The following ENGASE variants were observed in gnomAD, a reference collection of about 807,000 sequenced individuals.
ENGASE encodes endo-beta-N-acetylglucosaminidase.
Under a neutral mutation model 78.5 loss-of-function variants are expected in ENGASE, and 69 were observed. That is an observed-to-expected ratio of 0.88 (90% CI 0.72 to 1.07). The LOEUF is 1.07. Ranked by LOEUF, ENGASE falls within the 50% of genes least tolerant of loss-of-function variation. The probability of loss-of-function intolerance (pLI) is 0.00; values close to 1 mark genes in which losing one functional copy is unlikely to be tolerated. For synonymous variants in ENGASE, 408 were observed against 408.9 expected, an observed-to-expected ratio of 1.00 and a Z score of 0.03; for missense variants, 943 against 988.4, an observed-to-expected ratio of 0.95 and a Z score of 0.62.
chr17:79,082,244 T>G (rs151057576), intron 7 of ENGASE, 181 bp downstream of exon 7: 18 of 1,539,904 alleles, frequency 1.2e-5, no homozygotes, highest in Non-Finnish European at 1.4e-5. Context: ...ATGTCCCCAC[T>G]GAAACCCCTT....
At chr17:79,078,976 C>A (rs1402906180) in intron 3 of ENGASE, among the ~76,000 whole-genome samples, 1 of 152,158 alleles carries the variant, frequency 6.6e-6, no homozygotes, top group Non-Finnish European at 1.5e-5. Flanking sequence ...ATGCCTGATG[C>A]CCCGGTCAGA....
Position 79,084,210 on chromosome 17 carries a change from G to A in ENGASE, c.1442+259G>A, listed in dbSNP as rs1287348603. ...TAGAACTGTGTCATCTTGTAGGACT[G>A]GACTCTCCCCATTGCACATTAGCCC... On this transcript the variant is annotated intron_variant, in intron 10 of 13. Coordinates refer to ENST00000579016, the MANE Select transcript of ENGASE (RefSeq NM_001042573.3). The A allele has an allele frequency of 1.5e-5, 8 of 550,230 alleles. No individual in the cohort carries two copies. In the East Asian group the frequency reaches 2.0e-4, roughly 13 times the overall value. The allele number at this position is 550,230 out of a possible 1,614,324, so 34.1% of individuals were successfully genotyped here.
intron 3 of ENGASE, among the ~76,000 whole-genome samples, chr17:79,078,866 C>T (rs1292667771): frequency 2.6e-5 from 4 of 152,168 alleles, no homozygotes; most frequent in South Asian, 2.1e-4. Context: ...AAGCCAGAGA[C>T]GGGACTTTGA....
intron 11 of ENGASE, 61 bp from the exon 12 acceptor site, chr17:79,085,173 C>T: frequency 7.3e-7 from 1 of 1,374,416 alleles, no homozygotes; most frequent in Non-Finnish European, 1.0e-6. Context: ...CCTTGGTGGT[C>T]CTTCTCAGTG....
At chr17:79,085,789 G>T in intron 13 of ENGASE, 55 bp downstream of exon 13, 1 of 1,604,362 alleles carries the variant, frequency 6.2e-7, no homozygotes. Flanking sequence ...AGCTGGAGTG[G>T]GGGTGGAGGC....
intron 10 of ENGASE, chr17:79,084,296 T>G (rs2073229961): frequency 4.7e-6 from 2 of 421,072 alleles, no homozygotes; most frequent in Non-Finnish European, 8.3e-6. Flanking sequence ...GTTTGGATAC[T>G]TTAGATGCCC....
chr17:79,075,242 C>T lies in ENGASE; in HGVS notation c.146+152C>T, dbSNP rs999042343. ...CAGTAAGGGACAGAGGGTGGCAGCG[C>T]CCCTCCGCCCCGGTCCGCCCCGCCG... is the stretch of plus-strand genomic sequence containing the variant. On this transcript the variant is annotated intron_variant, in intron 1 of 13. Coordinates refer to ENST00000579016, the MANE Select transcript of ENGASE (RefSeq NM_001042573.3). 6 of 955,958 alleles carry T rather than the reference C, an allele frequency of 6.3e-6. No homozygotes were observed. In the African/African-American group the frequency reaches 8.6e-5, roughly 14 times the overall value. 59.2% of individuals were successfully genotyped at this position (955,958 alleles called of 1,614,324 possible). A position where few individuals can be genotyped will look rare whatever the true frequency, so the allele number is the denominator to read the frequency against.
intron 3 of ENGASE, among the ~76,000 whole-genome samples, chr17:79,078,249 A>G (rs577112412): frequency 6.6e-6 from 1 of 152,306 alleles, no homozygotes; most frequent in African/African-American, 2.4e-5. Context: ...CTAATGCAGG[A>G]GAATCGCTTG....
At position 79,075,100 on chromosome 17, in the gene ENGASE, C is replaced by CG. The variant is rs1327106648; in HGVS notation, c.146+14dup. 8.3e-7 allele frequency: 1 copy of CG among 1,206,514 alleles called. No individual in the cohort carries two copies. Among genetic ancestry groups the CG allele is most frequent in the African/African-American group, 1.6e-5 (1 of 63,326 alleles). 74.7% of individuals were successfully genotyped at this position (1,206,514 alleles called of 1,614,324 possible). A position where few individuals can be genotyped will look rare whatever the true frequency, so the allele number is the denominator to read the frequency against. ...GGCGGCCGGGAAGGAGGTGGGGCTG[C>CG]GGGGCCCGCGTGAACCCCGATCCGC... On this transcript the variant is annotated intron_variant, in intron 1 of 13. Transcript: ENST00000579016.
At chr17:79,079,764 T>C in intron 4 of ENGASE, 127 bp downstream of exon 4, 3 of 1,273,208 alleles carry the variant, frequency 2.4e-6, no homozygotes, top group South Asian at 3.0e-5. Flanking sequence ...GGGGGCCGCC[T>C]TGGTCGGCTA....
At chr17:79,077,927 G>T in intron 3 of ENGASE, 63 bp downstream of exon 3, 134 of 1,179,332 alleles carry the variant, frequency 1.1e-4, no homozygotes, top group Non-Finnish European at 1.4e-4. Flanking sequence ...GTGGGGGCTG[G>T]AGGGGCGGGA....
intron 13 of ENGASE, 58 bp downstream of exon 13, chr17:79,085,792 G>C (rs1472997421): frequency 1.2e-6 from 2 of 1,603,330 alleles, no homozygotes; most frequent in African/African-American, 2.7e-5. Context: ...TGGAGTGGGG[G>C]TGGAGGCCGC....
At chr17:79,079,005 C>T (rs1004165101) in intron 3 of ENGASE, among the ~76,000 whole-genome samples, 1 of 152,312 alleles carries the variant, frequency 6.6e-6, no homozygotes, top group Admixed American at 6.5e-5. Context: ...CCTGTGGCTA[C>T]AGGAGTGGCA....
intron 1 of ENGASE, 46 bp from the exon 2 acceptor site, chr17:79,077,384 C>T (rs767215654): frequency 4.5e-6 from 7 of 1,553,148 alleles, no homozygotes; most frequent in Non-Finnish European, 6.1e-6. Flanking sequence ...GTGTTCTTAC[C>T]TATTTATGTT....
In ENGASE at chr17:79,083,782, T is replaced by C. The variant is rs372107365; in HGVS notation, c.1273T>C (p.Tyr425His). ...TCAGGAAGAGGCGGTAGGGCCCTGG[T>C]ACCACCTGAGCGCCCAGGAGATCCA... ...YGQEEAVGPW[Y>H]HLSAQEIQPL... Residue 425 changes from tyrosine (Y) to histidine (H), a missense_variant, in exon 10 of 14, where the codon TAC (tyrosine) becomes CAC (histidine). Physicochemically the swap from Tyr to His is moderately conservative, Grantham distance 83. Transcript: ENST00000579016. The surrounding 1 kb of genome is among the most constrained non-coding windows in gnomAD (Gnocchi z 4.9). The C allele has an allele frequency of 7.0e-5, 113 of 1,611,498 alleles. No individual in the cohort carries two copies. In the East Asian group the frequency reaches 1.9e-3, roughly 28 times the overall value.
chr17:79,081,824 A>G, intron 6 of ENGASE, 74 bp from the exon 7 acceptor site: 2 of 1,528,880 alleles, frequency 1.3e-6, no homozygotes, highest in Non-Finnish European at 1.8e-6. Flanking sequence ...GGAAAGGCTG[A>G]GACTGCAGGG....
rs759157900 is a variant in ENGASE at position 79,085,274 on chromosome 17, G to GC, written c.1638dup (p.Thr547HisfsTer45). 7.4e-6 allele frequency: 12 copies of GC among 1,613,370 alleles called. No individual in the cohort carries two copies. The East Asian group carries it at 1.8e-4, about 24-fold the overall frequency. ...GACACAGCCTCCGACCCCTCCGGGT[G>GC]CCCCCCACCAAGCTGGCCAGATGGG... On this transcript the variant is annotated frameshift_variant, in exon 12 of 14. Coordinates refer to ENST00000579016, the MANE Select transcript of ENGASE (RefSeq NM_001042573.3). LOFTEE classifies it high-confidence loss of function.
intron 3 of ENGASE, among the ~76,000 whole-genome samples, chr17:79,078,146 C>T (rs1011202288): frequency 6.6e-6 from 1 of 152,084 alleles, no homozygotes; most frequent in African/African-American, 2.4e-5. Flanking sequence ...TTGAGACCAG[C>T]CTGGCCAACA....
rs778388236 is a variant in ENGASE at position 79,086,230 on chromosome 17, G to A, written c.2113G>A (p.Ala705Thr). ...GATAGTGGACCTGCTGGTGGAAGCCGCCGGGCCCGGCCAGGATCGTCGCAT... is the reference window on the plus strand; with the variant it reads ...GATAGTGGACCTGCTGGTGGAAGCCACCGGGCCCGGCCAGGATCGTCGCAT... ...YRIVDLLVEAAGPGQDRRMEF... is the reference protein window; with the variant it reads ...YRIVDLLVEATGPGQDRRMEF... The change falls in exon 14 of 14, where the codon GCC becomes ACC. Residue 705 changes from alanine to threonine, a missense_variant. By Grantham distance (58) the Ala-to-Thr change is moderately conservative (BLOSUM62 0). Transcript: ENST00000579016. The A allele has an allele frequency of 1.1e-5, 17 of 1,613,362 alleles. No homozygotes were observed. The highest frequency in any genetic ancestry group is 2.2e-5 in the East Asian group (1 of 44,898).
Sources: gnomAD v4.1 joint callset for allele counts (sites outside exome capture counted in the v4.1 genomes callset) on GRCh38, gnomAD v4.1.1 for gene constraint, Gnocchi (gnomAD v3.1) non-coding constraint, MANE v1.5 for transcripts, NCBI Gene and HGNC (gene_info 2026-07-23, HGNC 2026-07-21) for gene names.